NRG4: variants seen among roughly 807,000 people sequenced by gnomAD.
The protein encoded by NRG4 is neuregulin 4, also known as pro-neuregulin-4, membrane-bound isoform.
In NRG4, 10 loss-of-function variants were observed where a neutral mutation model predicts 15.0. The observed-to-expected ratio is 0.67, with a 90% CI of 0.41 to 1.13. NRG4 has a LOEUF of 1.13. NRG4 is among the 50% of genes most tolerant of loss of function. The pLI is 0.00. For synonymous variants in NRG4, 41 were observed against 50.1 expected, an observed-to-expected ratio of 0.82 and a Z score of 0.77; for missense variants, 139 against 140.2, an observed-to-expected ratio of 0.99 and a Z score of 0.04.
At chr15:75,987,441 A>G (rs958254074) in intron 3 of NRG4, among the ~76,000 whole-genome samples, 3 of 152,184 alleles carry the variant, frequency 2.0e-5, no homozygotes, top group Non-Finnish European at 4.4e-5. Flanking sequence ...GAATGTTGAA[A>G]TCATACCTCC....
At chr15:75,994,302 G>A (rs571031261) in intron 3 of NRG4, among the ~76,000 whole-genome samples, 2 of 152,230 alleles carry the variant, frequency 1.3e-5, no homozygotes, top group South Asian at 4.1e-4. Context: ...GGCATATAAA[G>A]CACATAAAGA....
intron 3 of NRG4, among the ~76,000 whole-genome samples, chr15:75,966,081 A>G (rs2032778990): frequency 6.6e-6 from 1 of 152,212 alleles, no homozygotes. Context: ...TCAGAATCTA[A>G]GTTATACAAA....
At chr15:76,036,761 G>C (rs895807203) in intron 4 of NRG4, among the ~76,000 whole-genome samples, 4 of 152,140 alleles carry the variant, frequency 2.6e-5, no homozygotes, top group Non-Finnish European at 4.4e-5. Flanking sequence ...AACTTAAATA[G>C]TGTATGACCA....
chr15:76,059,049 T>C (rs1228912664), intron 1 of NRG4, among the ~76,000 whole-genome samples: 1 of 152,036 alleles, frequency 6.6e-6, no homozygotes, highest in Non-Finnish European at 1.5e-5. Flanking sequence ...AGGGGCGCAA[T>C]GTTACTTTTT....
At chr15:76,012,276 C>A (rs968135726) in intron 1 of NRG4, 43 bp downstream of exon 1, 2 of 152,150 alleles carry the variant, frequency 1.3e-5, no homozygotes, top group East Asian at 3.9e-4. Context: ...CATACTGTTT[C>A]TTTTTTCCAA....
At chr15:75,943,734 ATCT>A (rs1044847861) in intron 5 of NRG4, 80 bp from the exon 6 acceptor site, 7 of 896,992 alleles carry the variant, frequency 7.8e-6, no homozygotes, top group African/African-American at 6.8e-5. Flanking sequence ...CATGTCTCTT[ATCT>A]TCTTCACATA....
At chr15:76,021,017 T>C (rs965700062) in intron 5 of NRG4, among the ~76,000 whole-genome samples, 3 of 152,248 alleles carry the variant, frequency 2.0e-5, no homozygotes, top group Admixed American at 1.3e-4. Context: ...TGAACTTTTA[T>C]AGCTAAAGAG....
intron 2 of NRG4, among the ~76,000 whole-genome samples, chr15:76,054,684 C>T (rs2036111918): frequency 6.6e-6 from 1 of 152,082 alleles, no homozygotes; most frequent in African/African-American, 2.4e-5. Context: ...ACCTCTTCCT[C>T]TATGTGATAA....
intron 3 of NRG4, among the ~76,000 whole-genome samples, chr15:75,995,062 C>A (rs1377056654): frequency 6.6e-6 from 1 of 151,984 alleles, no homozygotes; most frequent in East Asian, 1.9e-4. Flanking sequence ...GTGGCACGTG[C>A]CTCTAGTTCC....
intron 3 of NRG4, chr15:76,005,649 C>T (rs1324384114): frequency 3.3e-5 from 10 of 299,844 alleles, no homozygotes; most frequent in Non-Finnish European, 6.3e-5. Context: ...GATCGCCCTA[C>T]TGTACTCCAG....
chr15:75,997,793 A>AC (rs1283650178), intron 3 of NRG4, among the ~76,000 whole-genome samples: 1 of 152,124 alleles, frequency 6.6e-6, no homozygotes, highest in Non-Finnish European at 1.5e-5. Context: ...AGGCAGGAAA[A>AC]ATGAGAGCTG....
At position 75,943,612 on chromosome 15, in the gene NRG4, ATGATT is replaced by A. The variant is rs1567065805; in HGVS notation, c.*21_*25del. ...TTTCTGCCTTTGTAAAATAAAAACA[ATGATT>A]TGGTTCACTTTGACGTTTCTTCAGT... On this transcript the variant is annotated 3_prime_UTR_variant, in exon 6 of 6. Transcript: ENST00000394907. 6.8e-7 allele frequency: 1 copy of A among 1,473,686 alleles called. No homozygotes were observed. Among genetic ancestry groups the A allele is most frequent in the Non-Finnish European group, 9.5e-7 (1 of 1,056,170 alleles). 91.3% of individuals were successfully genotyped at this position (1,473,686 alleles called of 1,614,324 possible).
chr15:75,989,354 T>C lies in NRG4; in HGVS notation c.104+19846A>G, dbSNP rs1467468323. Among the ~76,000 whole-genome samples the C allele has an allele frequency of 3.3e-5, 5 of 152,192 alleles. No homozygotes were observed. The East Asian group carries it at 9.6e-4, about 29-fold the overall frequency. On this transcript the variant is annotated intron_variant, in intron 3 of 5. Transcript: ENST00000394907. ...TCATGTAGCGTGGCCTACCGATGAATGCTCTCAGTCACTGCTTGTCTGTAA... is the reference window on the plus strand; with the variant it reads ...TCATGTAGCGTGGCCTACCGATGAACGCTCTCAGTCACTGCTTGTCTGTAA...
chr15:76,009,190 T>C lies in NRG4; in HGVS notation c.104+10A>G, dbSNP rs1188479072. The C allele has an allele frequency of 7.3e-7, 1 of 1,371,524 alleles. No individual in the cohort carries two copies. Among genetic ancestry groups the C allele is most frequent in the East Asian group, 2.3e-5 (1 of 43,796 alleles). The allele number at this position is 1,371,524 out of a possible 1,614,324, so 85.0% of individuals were successfully genotyped here. ...AAAGTTAACATCTCCCCCTAGTCCATTTCACTCACCTACAAAATGGGCTGG... is the reference window on the plus strand; with the variant it reads ...AAAGTTAACATCTCCCCCTAGTCCACTTCACTCACCTACAAAATGGGCTGG... On this transcript the variant is annotated intron_variant, in intron 3 of 5. Coordinates refer to ENST00000394907, the MANE Select transcript of NRG4 (RefSeq NM_138573.4).
intron 4 of NRG4, among the ~76,000 whole-genome samples, chr15:76,050,268 A>G (rs1236650455): frequency 6.6e-6 from 1 of 150,758 alleles, no homozygotes; most frequent in Non-Finnish European, 1.5e-5. Context: ...ACAATTTCCC[A>G]AAGTAAATAA....
intron 3 of NRG4, among the ~76,000 whole-genome samples, chr15:75,992,650 C>T (rs752394674): frequency 1.3e-4 from 20 of 152,098 alleles, no homozygotes; most frequent in African/African-American, 1.7e-4. Context: ...AGCAATCAAT[C>T]GCCATTCCCC....
At chr15:76,040,711 G>A (rs2035714924) in intron 4 of NRG4, among the ~76,000 whole-genome samples, 1 of 152,160 alleles carries the variant, frequency 6.6e-6, no homozygotes, top group Non-Finnish European at 1.5e-5. Context: ...GATCATTTGA[G>A]GTCAGGAGTT....
At chr15:76,031,862 T>G (rs1178672853) in intron 5 of NRG4, among the ~76,000 whole-genome samples, 1 of 151,896 alleles carries the variant, frequency 6.6e-6, no homozygotes, top group Admixed American at 6.6e-5. Context: ...CTCAAATAAA[T>G]AAATAAATAA....
At chr15:76,005,012 TTA>T (rs1308949477) in intron 3 of NRG4, among the ~76,000 whole-genome samples, 3 of 152,130 alleles carry the variant, frequency 2.0e-5, no homozygotes, top group Non-Finnish European at 4.4e-5. Context: ...AACACATATT[TTA>T]TATGTTTTAT....
Sources: gnomAD v4.1 joint callset for allele counts (sites outside exome capture counted in the v4.1 genomes callset) on GRCh38, gnomAD v4.1.1 for gene constraint, MANE v1.5 for transcripts, NCBI Gene and HGNC (gene_info 2026-07-23, HGNC 2026-07-21) for gene names.